CDKL1: variants seen among roughly 807,000 people sequenced by gnomAD.
CDKL1 encodes the protein cyclin-dependent kinase-like 1.
CDKL1 carries 41 observed loss-of-function variants against 42.0 expected under a neutral mutation model. The ratio of observed to expected loss-of-function variants is 0.98; its 90% confidence interval spans 0.76 to 1.27. The LOEUF is 1.27. Among genes scored for constraint, CDKL1 ranks in the 50% most tolerant of loss-of-function variants. CDKL1 has a pLI of 0.00. For missense variants in CDKL1, 394 were observed against 428.4 expected, an observed-to-expected ratio of 0.92 and a Z score of 0.71; for synonymous variants, 153 against 158.6, an observed-to-expected ratio of 0.96 and a Z score of 0.26.
intron 2 of CDKL1, chr14:50,363,075 G>A (rs756923726): frequency 2.3e-5 from 9 of 388,868 alleles, no homozygotes; most frequent in African/African-American, 1.4e-4. Flanking sequence ...ACTGCCTTAA[G>A]AGCTGTAACA....
chr14:50,378,387 C>T (rs2034796658), intron 2 of CDKL1: 1 of 1,366,500 alleles, frequency 7.3e-7, no homozygotes, highest in African/African-American at 1.5e-5. Flanking sequence ...TAGGTACCAG[C>T]AGCCGTCTTG....
At chr14:50,341,511 G>A (rs920645841) in intron 5 of CDKL1, among the ~76,000 whole-genome samples, 1 of 150,804 alleles carries the variant, frequency 6.6e-6, no homozygotes, top group African/African-American at 2.4e-5. Flanking sequence ...GGGCACAGCG[G>A]CTCACACTTG....
At chr14:50,386,850 C>T (rs1309372270) in intron 2 of CDKL1, among the ~76,000 whole-genome samples, 1 of 151,788 alleles carries the variant, frequency 6.6e-6, no homozygotes, top group Non-Finnish European at 1.5e-5. Flanking sequence ...TGAGACCAGC[C>T]TGGCCATCTC....
chr14:50,331,752 C>T, intron 9 of CDKL1: 1 of 423,636 alleles, frequency 2.4e-6, no homozygotes, highest in Non-Finnish European at 4.2e-6. Context: ...TCCCAGTGTG[C>T]AGTTTGGATG....
rs1311690878 is a variant in CDKL1, at chr14:50,395,705, A to G, written c.164T>C (p.Leu55Pro). Reference protein sequence around the residue: ...KKIALREIRMLKQLKHPNLVN... With the variant: ...KKIALREIRMPKQLKHPNLVN... ...AAGGAAAAGTGAATCAATTACCTTG[A>G]GCATTCGGATTTCCCGAAGGGCAAT... The change falls in exon 2 of 10, where the codon CTC (leucine) becomes CCC (proline). Residue 55 changes from leucine to proline, a missense_variant. Leu to Pro is a moderately conservative substitution (Grantham distance 98). Coordinates refer to ENST00000395834, the MANE Select transcript of CDKL1 (RefSeq NM_004196.7). The G allele has an allele frequency of 6.2e-7, 1 of 1,603,922 alleles. No homozygotes were observed. The highest frequency in any genetic ancestry group is 8.5e-7 in the Non-Finnish European group (1 of 1,171,820).
intron 2 of CDKL1, among the ~76,000 whole-genome samples, chr14:50,377,903 G>A (rs1310747626): frequency 6.6e-6 from 1 of 152,146 alleles, no homozygotes; most frequent in African/African-American, 2.4e-5. Context: ...AGTATTCAGA[G>A]ACATTTATCT....
chr14:50,362,870 A>C (rs1282367400), intron 2 of CDKL1: 7 of 402,922 alleles, frequency 1.7e-5, no homozygotes, highest in Non-Finnish European at 1.1e-5. Context: ...AGGCTGCCCG[A>C]CCCAGCAGTG....
At chr14:50,385,761 G>A (rs1461395023) in intron 2 of CDKL1, among the ~76,000 whole-genome samples, 7 of 130,252 alleles carry the variant, frequency 5.4e-5, no homozygotes, top group East Asian at 2.2e-4. Context: ...TTGAGATTGC[G>A]CCACTGCACT....
Position 50,396,322 on chromosome 14 carries a change from T to C in CDKL1, c.-454A>G. 9.9e-7 allele frequency: 1 copy of C among 1,008,848 alleles called. No individual in the cohort carries two copies. The highest frequency in any genetic ancestry group is 1.2e-6 in the Non-Finnish European group (1 of 845,410). 62.5% of individuals were successfully genotyped at this position (1,008,848 alleles called of 1,614,324 possible). On this transcript the variant is annotated 5_prime_UTR_variant, in exon 2 of 10. Coordinates refer to ENST00000395834, the MANE Select transcript of CDKL1 (RefSeq NM_004196.7). ...AGCCCCACCCAACGATGAGTGTTTG[T>C]CACGGTCCTAGAACAGAACAGCACA... is the stretch of plus-strand genomic sequence containing the variant.
At chr14:50,341,399 T>G (rs1477332839) in intron 5 of CDKL1, among the ~76,000 whole-genome samples, 167 bp from the exon 6 acceptor site, 1 of 139,280 alleles carries the variant, frequency 7.2e-6, no homozygotes, top group African/African-American at 2.6e-5. Context: ...ATTTTGTAAA[T>G]TACTGATGCT....
intron 3 of CDKL1, among the ~76,000 whole-genome samples, chr14:50,346,356 G>A (rs748835700): frequency 6.6e-6 from 1 of 152,042 alleles, no homozygotes; most frequent in South Asian, 2.1e-4. Flanking sequence ...TTGTTTGAGC[G>A]GCATATAGGC....
rs1235909332 is a variant in CDKL1 at position 50,332,402 on chromosome 14, G to T, written c.826C>A (p.Leu276Met). The change falls in exon 9 of 10, where the codon CTG becomes ATG. Residue 276 changes from leucine (L) to methionine (M), a missense_variant. By Grantham distance (15) the Leu-to-Met change is conservative. Transcript: ENST00000395834. ...GCLHMDPTQRLTCEQLLHHPY... is the reference protein window; with the variant it reads ...GCLHMDPTQRMTCEQLLHHPY... ...TGATGCAACAGCTGTTCACATGTCA[G>T]CCTTTGAGTAGGGTCCATGTGGAGA... 3.7e-6 allele frequency: 6 copies of T among 1,613,856 alleles called. No homozygotes were observed. The highest frequency in any genetic ancestry group is 5.1e-6 in the Non-Finnish European group (6 of 1,179,984).
intron 7 of CDKL1, chr14:50,335,967 C>A (rs971360542): frequency 5.9e-6 from 8 of 1,365,164 alleles, no homozygotes; most frequent in South Asian, 1.1e-5. Flanking sequence ...TTGACAGTAG[C>A]CCCTGTTGCA....
At chr14:50,360,716 G>A (rs186414924) in intron 2 of CDKL1, among the ~76,000 whole-genome samples, 7 of 152,088 alleles carry the variant, frequency 4.6e-5, no homozygotes, top group African/African-American at 7.2e-5. Context: ...ATGAGCCACC[G>A]CGCCCAGCCT....
At chr14:50,391,399 G>A (rs912436881) in intron 2 of CDKL1, among the ~76,000 whole-genome samples, 3 of 152,000 alleles carry the variant, frequency 2.0e-5, no homozygotes, top group Non-Finnish European at 4.4e-5. Flanking sequence ...TGTATGTAAA[G>A]AATCTAGCAG....
intron 2 of CDKL1, among the ~76,000 whole-genome samples, chr14:50,370,730 G>C (rs2034567259): frequency 6.6e-6 from 1 of 152,160 alleles, no homozygotes; most frequent in African/African-American, 2.4e-5. Flanking sequence ...AGGAGGGGCA[G>C]GCATGTCACA....
At chr14:50,368,595 T>C (rs1168543364) in intron 2 of CDKL1, among the ~76,000 whole-genome samples, 1 of 152,086 alleles carries the variant, frequency 6.6e-6, no homozygotes, top group Non-Finnish European at 1.5e-5. Flanking sequence ...TGATGTTCCA[T>C]ATTATGTTGC....
intron 2 of CDKL1, chr14:50,390,062 T>C: frequency 3.6e-6 from 3 of 827,160 alleles, no homozygotes; most frequent in Non-Finnish European, 5.7e-6. Context: ...ATTAGTGTAA[T>C]TTGTGCATCC....
At chr14:50,382,040 A>G (rs1362723695) in intron 2 of CDKL1, among the ~76,000 whole-genome samples, 1 of 152,252 alleles carries the variant, frequency 6.6e-6, no homozygotes, top group Non-Finnish European at 1.5e-5. Flanking sequence ...TGTTTTCACT[A>G]GAGGGACTTT....
Sources: allele counts gnomAD v4.1 joint callset (sites outside exome capture counted in the v4.1 genomes callset), GRCh38; gene constraint gnomAD v4.1.1; transcripts MANE v1.5; gene names NCBI Gene and HGNC (gene_info 2026-07-23, HGNC 2026-07-21).